Variants in CEACAM5 observed in about 807,000 individuals in gnomAD.
CEACAM5 encodes the protein CEA cell adhesion molecule 5.
CEACAM5 carries 52 observed loss-of-function variants against 63.0 expected under a neutral mutation model. The observed-to-expected ratio is 0.83, with a 90% confidence interval of 0.66 to 1.04. The LOEUF is 1.04. Among genes scored for constraint, CEACAM5 ranks in the 50% least tolerant of loss-of-function variants. The pLI, the probability that CEACAM5 is intolerant of heterozygous loss-of-function variation, is 0.00. For missense variants in CEACAM5, 790 were observed against 864.8 expected (o/e 0.91, Z 1.08); for synonymous variants, 357 against 351.3 (o/e 1.02, Z -0.18).
chr19:41,722,817 T>A lies in CEACAM5; in HGVS notation c.2026+1641T>A, dbSNP rs993865983. 3.3e-5 allele frequency among the ~76,000 whole-genome samples: 5 copies of A among 152,246 alleles called. No homozygotes were observed. In the South Asian group the frequency reaches 8.3e-4, roughly 25 times the overall value. On this transcript the variant is annotated intron_variant, in intron 8 of 9. Coordinates refer to ENST00000221992, the MANE Select transcript of CEACAM5 (RefSeq NM_004363.6). ...GTGAACATCAGTGTACAAATATCTG[T>A]TCAAATCACTGCCTTCAATTCTTTT... is the stretch of plus-strand genomic sequence containing the variant.
rs2072544981 is a variant in CEACAM5 at position 41,717,486 on chromosome 19, C to G, written c.990C>G (p.Asn330Lys). Residue 330 changes from asparagine to lysine, a missense_variant, in exon 5 of 10, where the codon AAC (asparagine) becomes AAG (lysine). By Grantham distance (94) the Asn-to-Lys change is moderately conservative (BLOSUM62 0). Transcript: ENST00000221992. ...CACCCAAACCCTTCATCACCAGCAA[C>G]AACTCCAACCCCGTGGAGGATGAGG... is the stretch of plus-strand genomic sequence containing the variant. ...AEPPKPFITS[N>K]NSNPVEDEDA... is the part of the protein sequence containing the mutation. 6.2e-7 allele frequency: 1 copy of G among 1,614,130 alleles called. No individual in the cohort carries two copies. Among genetic ancestry groups the G allele is most frequent in the Non-Finnish European group, 8.5e-7 (1 of 1,179,978 alleles).
chr19:41,711,630 C>T (rs2072437069), intron 2 of CEACAM5, among the ~76,000 whole-genome samples: 1 of 152,126 alleles, frequency 6.6e-6, no homozygotes, highest in South Asian at 2.1e-4. Flanking sequence ...GCTCCCTGGT[C>T]CTGGTCGGGA....
rs2072501598 is a variant in CEACAM5 at position 41,715,211 on chromosome 19, G to A, written c.665G>A (p.Ser222Asn). 1.2e-6 allele frequency: 2 copies of A among 1,614,122 alleles called. No homozygotes were observed. Among genetic ancestry groups the A allele is most frequent in the Non-Finnish European group, 8.5e-7 (1 of 1,180,056 alleles). The change falls in exon 3 of 10, where the codon AGT becomes AAT. Residue 222 changes from serine (S) to asparagine (N), a missense_variant. Coordinates refer to ENST00000221992, the MANE Select transcript of CEACAM5 (RefSeq NM_004363.6). ...AAATGTGAAACCCAGAACCCAGTGA[G>A]TGCCAGGCGCAGTGATTCAGTCATC... ...SYKCETQNPV[S>N]ARRSDSVILN...
intron 8 of CEACAM5, among the ~76,000 whole-genome samples, chr19:41,724,854 A>G (rs1345269141): frequency 6.6e-6 from 1 of 152,220 alleles, no homozygotes; most frequent in Admixed American, 6.6e-5. Context: ...TATTAACTCT[A>G]ACAAGTTTTT....
At chr19:41,710,143 C>A in intron 2 of CEACAM5, 104 bp downstream of exon 2, 1 of 1,490,458 alleles carries the variant, frequency 6.7e-7, no homozygotes, top group Non-Finnish European at 9.1e-7. Flanking sequence ...CTGCATTACG[C>A]ACCATGTTAG....
At position 41,715,207 on chromosome 19, in the gene CEACAM5, G is replaced by A. The variant is rs781830094; in HGVS notation, c.661G>A (p.Val221Met). 1.9e-6 allele frequency: 3 copies of A among 1,614,118 alleles called. No homozygotes were observed. Among genetic ancestry groups the A allele is most frequent in the African/African-American group, 2.7e-5 (2 of 74,930 alleles). ...CTACAAATGTGAAACCCAGAACCCA[G>A]TGAGTGCCAGGCGCAGTGATTCAGT... is the stretch of plus-strand genomic sequence containing the variant. ...ASYKCETQNP[V>M]SARRSDSVIL... Residue 221 changes from valine to methionine, a missense_variant, in exon 3 of 10, where the codon GTG (valine) becomes ATG (methionine). Physicochemically the swap from Val to Met is conservative, Grantham distance 21 (BLOSUM62 1). Coordinates refer to ENST00000221992, the MANE Select transcript of CEACAM5 (RefSeq NM_004363.6).
At chr19:41,728,316 A>G (rs58018987) in intron 9 of CEACAM5, among the ~76,000 whole-genome samples, 4,987 of 152,282 alleles carry the variant, frequency 0.033, 256 homozygotes, top group African/African-American at 0.11. Flanking sequence ...CATTTTATAA[A>G]ATGGATACTT....
intron 8 of CEACAM5, among the ~76,000 whole-genome samples, chr19:41,721,685 G>A (rs911118750): frequency 1.3e-5 from 2 of 152,272 alleles, no homozygotes; most frequent in Non-Finnish European, 2.9e-5. Context: ...GACTGGCTCT[G>A]CCCTGGCTCC....
intron 2 of CEACAM5, among the ~76,000 whole-genome samples, chr19:41,710,514 G>A (rs1365280352): frequency 2.6e-5 from 4 of 152,164 alleles, no homozygotes; most frequent in African/African-American, 9.7e-5. Context: ...GCTGTCCAAG[G>A]GCTGTGGCTC....
chr19:41,720,790 G>T (rs538227798), intron 7 of CEACAM5, 132 bp from the exon 8 acceptor site: 5 of 1,207,126 alleles, frequency 4.1e-6, no homozygotes, highest in South Asian at 1.4e-5. Context: ...GTGAGCCACC[G>T]CACCCGGCCG....
At chr19:41,720,541 C>T (rs1459812744) in intron 7 of CEACAM5, among the ~76,000 whole-genome samples, 1 of 135,560 alleles carries the variant, frequency 7.4e-6, no homozygotes, top group African/African-American at 2.8e-5. Context: ...GAGTCTCGCT[C>T]TTTCGCCCAG....
At chr19:41,720,656 G>A (rs1431171981) in intron 7 of CEACAM5, among the ~76,000 whole-genome samples, 1 of 152,032 alleles carries the variant, frequency 6.6e-6, no homozygotes, top group Admixed American at 6.6e-5. Flanking sequence ...ACACACACGT[G>A]CCGCCATGCC....
At chr19:41,712,151 T>A (rs2072446298) in intron 2 of CEACAM5, among the ~76,000 whole-genome samples, 1 of 152,220 alleles carries the variant, frequency 6.6e-6, no homozygotes, top group Non-Finnish European at 1.5e-5. Context: ...GCCCGCATGC[T>A]TATTTCACTC....
In CEACAM5 at chr19:41,720,891, A is replaced by G. The variant is rs2072608961; in HGVS notation, c.1772-31A>G. On this transcript the variant is annotated intron_variant, in intron 7 of 9. Coordinates refer to ENST00000221992, the MANE Select transcript of CEACAM5 (RefSeq NM_004363.6). ...GGAGCTTCCCCTTTCCTCTGATGAC[A>G]TCACCTGTGGCTTTGTTCTCTTTGT... The G allele has an allele frequency of 2.5e-6, 4 of 1,611,932 alleles. No homozygotes were observed. The African/African-American group carries it at 4.0e-5, about 16-fold the overall frequency.
Position 41,720,284 on chromosome 19 carries a change from C to A in CEACAM5, c.1771+76C>A, listed in dbSNP as rs1555815927. On this transcript the variant is annotated intron_variant, in intron 7 of 9. Coordinates refer to ENST00000221992, the MANE Select transcript of CEACAM5 (RefSeq NM_004363.6). ...CAGCCAGAGGCCAGGACTCTCAGTT[C>A]TCCTCAGGTCCAAAGAGGCAGACTC... 3 of 1,509,776 alleles carry A rather than the reference C, an allele frequency of 2.0e-6. No individual in the cohort carries two copies. The African/African-American group carries it at 4.1e-5, about 21-fold the overall frequency. The allele number at this position is 1,509,776 out of a possible 1,614,324, so 93.5% of individuals were successfully genotyped here.
At chr19:41,727,613 G>T (rs1438073581) in intron 9 of CEACAM5, among the ~76,000 whole-genome samples, 1 of 152,040 alleles carries the variant, frequency 6.6e-6, no homozygotes, top group Non-Finnish European at 1.5e-5. Context: ...AAAGCCTCTT[G>T]GTCCTTTTTT....
chr19:41,722,890 T>TG (rs1555816476), intron 8 of CEACAM5, among the ~76,000 whole-genome samples: 3 of 151,210 alleles, frequency 2.0e-5, no homozygotes, highest in African/African-American at 7.4e-5. Flanking sequence ...TTAATTCTTT[T>TG]TTTTGTTTGT....
intron 6 of CEACAM5, among the ~76,000 whole-genome samples, chr19:41,719,052 G>T (rs1490547715): frequency 2.0e-5 from 3 of 152,186 alleles, no homozygotes; most frequent in African/African-American, 7.2e-5. Flanking sequence ...CTCCTGAGCT[G>T]TGTCCTGGAG....
rs532378277 is a variant in CEACAM5, at chr19:41,715,996, C to T, written c.958+92C>T. The T allele has an allele frequency of 1.2e-4, 178 of 1,478,910 alleles. 3 individuals are homozygous for T. The South Asian group carries it at 2.0e-3, about 17-fold the overall frequency. The allele number at this position is 1,478,910 out of a possible 1,614,324, so 91.6% of individuals were successfully genotyped here. A position where few individuals can be genotyped will look rare whatever the true frequency, so the allele number is the denominator to read the frequency against. ...GCCAGGAAGACATTTTCTATCCCAG[C>T]CTGTGTCCAGTGGGCACAAGCAAAT... On this transcript the variant is annotated intron_variant, in intron 4 of 9. Transcript: ENST00000221992.
Sources: allele counts gnomAD v4.1 joint callset (sites outside exome capture counted in the v4.1 genomes callset), GRCh38; gene constraint gnomAD v4.1.1; transcripts MANE v1.5; gene names NCBI Gene and HGNC (gene_info 2026-07-23, HGNC 2026-07-21).